The following PHKA2 variants were observed in gnomAD, a reference collection of about 807,000 sequenced individuals.
PHKA2 encodes the protein phosphorylase kinase regulatory subunit alpha 2.
A neutral mutation model predicts 102.0 loss-of-function variants in PHKA2; 31 were observed. The ratio of observed to expected loss-of-function variants is 0.30; its 90% CI spans 0.23 to 0.41. The LOEUF (loss-of-function observed/expected upper bound fraction) is 0.41, where lower values mean the gene tolerates loss of function less well. Among genes scored for constraint, PHKA2 ranks in the 10% least tolerant of loss-of-function variants. The probability of loss-of-function intolerance (pLI) is 1.00; values close to 1 mark genes in which losing one functional copy is unlikely to be tolerated. For synonymous variants in PHKA2, 455 were observed against 416.2 expected, an observed-to-expected ratio of 1.09 and a Z score of -1.13; for missense variants, 858 against 1,023.1, an observed-to-expected ratio of 0.84 and a Z score of 2.20.
At chrX:18,929,375 G>A in intron 12 of PHKA2, 69 bp from the exon 13 acceptor site, 1 of 741,741 alleles carries the variant, frequency 1.3e-6, no homozygotes, top group African/African-American at 2.1e-5. Flanking sequence ...ACTGAAGTGT[G>A]AAAATGAAAT....
At chrX:18,906,385 G>A in intron 25 of PHKA2, 110 bp downstream of exon 25, 2 of 982,845 alleles carry the variant, frequency 2.0e-6, no homozygotes, top group South Asian at 3.9e-5. Context: ...CCACAGGCTT[G>A]GATGCTGGGT....
intron 19 of PHKA2, among the ~76,000 whole-genome samples, chrX:18,911,761 T>C (rs1223202148): frequency 8.9e-6 from 1 of 112,761 alleles, no homozygotes; most frequent in Admixed American, 9.4e-5. Context: ...GGCATAGATC[T>C]TGCTTTGAGA....
intron 29 of PHKA2, chrX:18,898,306 C>T (rs1167148505): frequency 1.8e-5 from 2 of 112,883 alleles, no homozygotes; most frequent in Non-Finnish European, 3.7e-5. Context: ...GGCTCCCCAC[C>T]GCTGGCGGGG....
intron 2 of PHKA2, among the ~76,000 whole-genome samples, chrX:18,953,430 T>C (rs996105228): frequency 2.8e-4 from 31 of 112,109 alleles, no homozygotes; most frequent in Middle Eastern, 4.6e-3. Flanking sequence ...TAAGATTGCT[T>C]TCCTGGAATG....
Position 18,954,271 on chromosome X carries a change from C to G in PHKA2, c.220G>C (p.Ala74Pro). The change falls in exon 2 of 33, where the codon GCC (alanine) becomes CCC (proline). Residue 74 changes from alanine (A) to proline (P), a missense_variant. Around this residue, in one of 2 missense-constraint regions of PHKA2, gnomAD observed 187 missense variants for 277.9 expected, o/e 0.67. Transcript: ENST00000379942. ...NADRDEDKAK[A>P]YELEQNVVKL... is the part of the protein sequence containing the mutation. ...ACTATTACCTGCTCCAGCTCGTAGG[C>G]CTTGGCCTTGTCCTCATCGCGGTCT... The G allele has an allele frequency of 8.3e-7, 1 of 1,211,867 alleles. No individual in the cohort carries two copies. The highest frequency in any genetic ancestry group is 1.8e-5 in the South Asian group (1 of 57,018).
In PHKA2 at chrX:18,920,150, A is replaced by G. The variant is rs761746626; in HGVS notation, c.1845T>C (p.Tyr615=). 8 of 1,106,751 alleles carry G rather than the reference A, an allele frequency of 7.2e-6. No individual in the cohort carries two copies. The highest frequency in any genetic ancestry group is 6.6e-5 in the Admixed American group (3 of 45,674). 91.2% of individuals were successfully genotyped at this position (1,106,751 alleles called of 1,213,427 possible). Residue 615 remains tyrosine (Y), a synonymous_variant, in exon 18 of 33, where the codon TAT becomes TAC. Coordinates refer to ENST00000379942, the MANE Select transcript of PHKA2 (RefSeq NM_000292.3). ...SEFLTTSFYT[Y]LTFLDPDCDE... is the part of the protein sequence containing the mutation. ...CACAGTCTGGATCCAGAAAAGTCAG[A>G]TATGTGTAGAACGATGTGGTGAGAA...
chrX:18,905,926 G>T, intron 25 of PHKA2, 67 bp from the exon 26 acceptor site: 1 of 761,134 alleles, frequency 1.3e-6, no homozygotes, highest in Non-Finnish European at 2.0e-6. Flanking sequence ...AGGGTCAGGT[G>T]GACGTGGGTG....
intron 4 of PHKA2, among the ~76,000 whole-genome samples, chrX:18,949,690 G>A (rs2048644907): frequency 1.8e-5 from 2 of 112,401 alleles, no homozygotes; most frequent in Admixed American, 9.4e-5. Context: ...ATGTTTATGT[G>A]TACAATGTGA....
chrX:18,912,397 T>C (rs1478478398), intron 19 of PHKA2, among the ~76,000 whole-genome samples: 1 of 111,929 alleles, frequency 8.9e-6, no homozygotes, highest in East Asian at 2.8e-4. Context: ...CCTGTATCCA[T>C]GTTCCTGTAC....
intron 3 of PHKA2, 116 bp from the exon 4 acceptor site, chrX:18,951,388 G>C (rs1284156494): frequency 1.3e-6 from 1 of 762,038 alleles, no homozygotes. Flanking sequence ...CTGGGAGCCA[G>C]AGGGATGGAA....
chrX:18,948,967 G>A (rs1223354630), intron 4 of PHKA2, 141 bp from the exon 5 acceptor site: 3 of 458,662 alleles, frequency 6.5e-6, no homozygotes, highest in African/African-American at 2.4e-5. Context: ...GAAGTCTTAA[G>A]TAAGGCATAA....
intron 6 of PHKA2, among the ~76,000 whole-genome samples, chrX:18,944,861 T>A (rs1196642288): frequency 1.8e-5 from 2 of 112,338 alleles, no homozygotes; most frequent in African/African-American, 6.5e-5. Context: ...GACGGAGCAC[T>A]CTTACTTTCT....
intron 31 of PHKA2, 102 bp from the exon 32 acceptor site, chrX:18,894,506 G>T: frequency 1.0e-5 from 7 of 703,331 alleles, no homozygotes; most frequent in Non-Finnish European, 1.5e-5. Context: ...GCCTGGGCTC[G>T]GGGCTCAGCG....
At chrX:18,943,060 A>G (rs975043660) in intron 7 of PHKA2, among the ~76,000 whole-genome samples, 2 of 110,741 alleles carry the variant, frequency 1.8e-5, no homozygotes, top group Admixed American at 9.6e-5. Context: ...AACTTCTACC[A>G]AAGCTCTCCA....
rs112231736 is a variant in PHKA2, at chrX:18,895,253, C to A, written c.3283-62G>T. 40 of 1,025,147 alleles carry A rather than the reference C, an allele frequency of 3.9e-5. No homozygotes were observed. In the South Asian group the frequency reaches 7.4e-4, roughly 19 times the overall value. The allele number at this position is 1,025,147 out of a possible 1,213,427, so 84.5% of individuals were successfully genotyped here. ...AGAATGGGATAAGCACATGCATGCA[C>A]ACACAGGCGTGCATGCACACACAGC... On this transcript the variant is annotated intron_variant, in intron 30 of 32. Coordinates refer to ENST00000379942, the MANE Select transcript of PHKA2 (RefSeq NM_000292.3).
intron 11 of PHKA2, among the ~76,000 whole-genome samples, chrX:18,934,561 C>T (rs1283237489): frequency 8.9e-6 from 1 of 112,205 alleles, no homozygotes; most frequent in South Asian, 3.7e-4. Context: ...GGCAATGGCA[C>T]ATTCTACTTC....
chrX:18,954,707 A>G (rs2048749578), intron 1 of PHKA2, among the ~76,000 whole-genome samples: 1 of 112,889 alleles, frequency 8.9e-6, no homozygotes, highest in Non-Finnish European at 1.9e-5. Context: ...AAGTGGTAAA[A>G]CAGAAGAAAC....
At chrX:18,962,342 G>A (rs1215477514) in intron 1 of PHKA2, among the ~76,000 whole-genome samples, 1 of 111,995 alleles carries the variant, frequency 8.9e-6, no homozygotes, top group Non-Finnish European at 1.9e-5. Context: ...GAATGCCAAG[G>A]ACTTGGACAA....
chrX:18,919,392 T>G (rs1036846766), intron 18 of PHKA2, among the ~76,000 whole-genome samples: 2 of 111,940 alleles, frequency 1.8e-5, no homozygotes, highest in Non-Finnish European at 3.8e-5. Context: ...GTCTTCAGAA[T>G]GTATGTATTC....
Sources: gnomAD v4.1 joint callset for allele counts (sites outside exome capture counted in the v4.1 genomes callset) on GRCh38, gnomAD v4.1.1 for gene constraint, gnomAD v4.1.1 regional missense constraint, MANE v1.5 for transcripts, NCBI Gene and HGNC (gene_info 2026-07-23, HGNC 2026-07-21) for gene names.